Variants in AKT2 observed in about 807,000 individuals in gnomAD.
The protein encoded by AKT2 is AKT serine/threonine kinase 2, also known as RAC-beta serine/threonine-protein kinase.
AKT2 carries 16 observed loss-of-function variants against 58.6 expected under a neutral mutation model. The observed-to-expected ratio is 0.27, with a 90% CI of 0.18 to 0.41. The LOEUF is 0.41. Ranked by LOEUF, AKT2 falls within the 10% of genes least tolerant of loss-of-function variation. The pLI is 1.00. For synonymous variants in AKT2, 253 were observed against 254.0 expected, an observed-to-expected ratio of 1.00 and a Z score of 0.04; for missense variants, 438 against 661.0, an observed-to-expected ratio of 0.66 and a Z score of 3.70.
chr19:40,231,503 C>A lies in AKT2; in HGVS notation c.*2369G>T. The A allele has an allele frequency of 1.3e-5, 3 of 233,324 alleles. No homozygotes were observed. Among genetic ancestry groups the A allele is most frequent in the Non-Finnish European group, 2.5e-5 (3 of 118,052 alleles). The allele number at this position is 233,324 out of a possible 1,614,324, so 14.5% of individuals were successfully genotyped here. A position where few individuals can be genotyped will look rare whatever the true frequency, so the allele number is the denominator to read the frequency against. On this transcript the variant is annotated 3_prime_UTR_variant, in exon 14 of 14. Coordinates refer to ENST00000392038, the MANE Select transcript of AKT2 (RefSeq NM_001626.6). ...TAACTCTGATTTCTGTAAATTGGAT[C>A]TGACTTTTTCTGCTTACATTCACTT...
intron 1 of AKT2, 167 bp downstream of exon 1, chr19:40,285,014 G>T (rs910512413): frequency 1.3e-4 from 48 of 378,520 alleles, no homozygotes; most frequent in Admixed American, 1.4e-4. Context: ...CCCGAGGCTG[G>T]TCCCACCGCC....
At chr19:40,258,375 A>C (rs1020801568) in intron 2 of AKT2, among the ~76,000 whole-genome samples, 2 of 152,064 alleles carry the variant, frequency 1.3e-5, no homozygotes, top group East Asian at 1.9e-4. Context: ...TTTTACCTCA[A>C]CATGGCTATT....
At chr19:40,281,444 A>T (rs946847636) in intron 1 of AKT2, among the ~76,000 whole-genome samples, 1 of 152,096 alleles carries the variant, frequency 6.6e-6, no homozygotes, top group Non-Finnish European at 1.5e-5. Context: ...GTGAGCTGTG[A>T]TCACACCACT....
At chr19:40,285,019 A>C (rs2077489122) in intron 1 of AKT2, 162 bp downstream of exon 1, 4 of 307,894 alleles carry the variant, frequency 1.3e-5, no homozygotes, top group South Asian at 1.7e-4. Flanking sequence ...GGCTGGTCCC[A>C]CCGCCCCCGC....
At chr19:40,276,898 CTGTAGTCCCAGCT>C (rs1292505841) in intron 1 of AKT2, among the ~76,000 whole-genome samples, 1 of 152,142 alleles carries the variant, frequency 6.6e-6, no homozygotes, top group Non-Finnish European at 1.5e-5. Flanking sequence ...TGGTGCATGC[CTGTAGTCCCAGCT>C]ACTCAGAAGG....
At chr19:40,272,959 T>C (rs969531) in intron 1 of AKT2, among the ~76,000 whole-genome samples, 110,606 of 152,038 alleles carry the variant, frequency 0.73, 40,425 homozygotes, top group African/African-American at 0.79. Context: ...CATATACCTA[T>C]CTCTAAGGCT....
Position 40,265,286 on chromosome 19 carries a change from T to C in AKT2, c.-19A>G, listed in dbSNP as rs1385768161. The C allele has an allele frequency of 2.5e-6, 4 of 1,611,880 alleles. No homozygotes were observed. Among genetic ancestry groups the C allele is most frequent in the Non-Finnish European group, 3.4e-6 (4 of 1,179,218 alleles). ...CATTCATGGTGGCAGCGTGGTACGC[T>C]GTCACCTAGCTCGGGACAGCTCAGG... On this transcript the variant is annotated 5_prime_UTR_variant, in exon 2 of 14. Coordinates refer to ENST00000392038, the MANE Select transcript of AKT2 (RefSeq NM_001626.6).
chr19:40,265,178 C>T (rs1321063506), intron 2 of AKT2, 44 bp downstream of exon 2: 1 of 1,601,238 alleles, frequency 6.2e-7, no homozygotes, highest in South Asian at 1.1e-5. Context: ...CCAGGAGGAG[C>T]CAGCGTGGGA....
intron 1 of AKT2, among the ~76,000 whole-genome samples, chr19:40,272,577 T>C (rs1222944566): frequency 2.6e-5 from 4 of 152,218 alleles, no homozygotes; most frequent in Non-Finnish European, 5.9e-5. Flanking sequence ...AATATGCGTA[T>C]TGTTTCACAT....
intron 1 of AKT2, among the ~76,000 whole-genome samples, chr19:40,276,182 T>C (rs1600110408): frequency 6.6e-6 from 1 of 151,516 alleles, no homozygotes; most frequent in South Asian, 2.1e-4. Context: ...GCTCCCATGC[T>C]ATACCCCATC....
chr19:40,280,768 CAT>C (rs1169131138), intron 1 of AKT2: 1 of 152,620 alleles, frequency 6.6e-6, no homozygotes, highest in Non-Finnish European at 1.5e-5. Context: ...TCCCATCCCA[CAT>C]GACTGCCTCA....
chr19:40,249,500 C>A (rs1041174601), intron 4 of AKT2, among the ~76,000 whole-genome samples: 1 of 152,218 alleles, frequency 6.6e-6, no homozygotes, highest in Non-Finnish European at 1.5e-5. Context: ...CTGCGGGGCA[C>A]CCCAGAGAGA....
In AKT2 at chr19:40,241,810, T is replaced by C; in HGVS notation, c.573+128A>G. 1 of 1,398,966 alleles carries C rather than the reference T, an allele frequency of 7.1e-7. No homozygotes were observed. Among genetic ancestry groups the C allele is most frequent in the Middle Eastern group, 1.8e-4 (1 of 5,646 alleles). 86.7% of individuals were successfully genotyped at this position (1,398,966 alleles called of 1,614,324 possible). A position where few individuals can be genotyped will look rare whatever the true frequency, so the allele number is the denominator to read the frequency against. On this transcript the variant is annotated intron_variant, in intron 6 of 13. Coordinates refer to ENST00000392038, the MANE Select transcript of AKT2 (RefSeq NM_001626.6). ...GGCCTCAGGCTCCCCCTTTTCTGAC[T>C]AGGGGGAATTTGTGGGGGAAATAAG... is the stretch of plus-strand genomic sequence containing the variant.
chr19:40,236,702 T>C, intron 9 of AKT2: 2 of 391,990 alleles, frequency 5.1e-6, no homozygotes, highest in Admixed American at 3.8e-5. Flanking sequence ...TCTTCTATTC[T>C]TTTTTTCTAG....
At chr19:40,241,884 C>T in intron 6 of AKT2, 54 bp downstream of exon 6, 8 of 1,612,220 alleles carry the variant, frequency 5.0e-6, no homozygotes, top group Non-Finnish European at 6.8e-6. Flanking sequence ...CAGGGTCAGG[C>T]TCCAGACCGC....
At chr19:40,258,707 C>T (rs1267230463) in intron 2 of AKT2, among the ~76,000 whole-genome samples, 1 of 147,628 alleles carries the variant, frequency 6.8e-6, no homozygotes, top group Non-Finnish European at 1.5e-5. Context: ...AATACTTAAC[C>T]AAGGGGGTGA....
chr19:40,235,774 G>A lies in AKT2; in HGVS notation c.1175+116C>T. On this transcript the variant is annotated intron_variant, in intron 11 of 13. Transcript: ENST00000392038. This position sits in a 1 kb window ranked among gnomAD's most constrained non-coding sequence, Gnocchi z 6.3. ...GTGGACGTTTTCAGGGGCTGTGTGG[G>A]GACGACACACTGCGACCCTACAAGC... The A allele has an allele frequency of 1.8e-6, 2 of 1,104,422 alleles. No homozygotes were observed. Among genetic ancestry groups the A allele is most frequent in the Non-Finnish European group, 2.5e-6 (2 of 785,536 alleles). The allele number at this position is 1,104,422 out of a possible 1,614,324, so 68.4% of individuals were successfully genotyped here.
chr19:40,269,213 C>A, intron 1 of AKT2: 1 of 152,206 alleles, frequency 6.6e-6, no homozygotes, highest in East Asian at 1.9e-4. Context: ...GCACGCCCTG[C>A]GGAGGGGAGT....
At chr19:40,260,422 G>C (rs952726363) in intron 2 of AKT2, among the ~76,000 whole-genome samples, 8 of 151,934 alleles carry the variant, frequency 5.3e-5, no homozygotes, top group African/African-American at 1.9e-4. Flanking sequence ...CCAAGGTCAA[G>C]AGATAAAGAC....
Sources: gnomAD v4.1 joint callset for allele counts (sites outside exome capture counted in the v4.1 genomes callset) on GRCh38, gnomAD v4.1.1 for gene constraint, Gnocchi (gnomAD v3.1) non-coding constraint, MANE v1.5 for transcripts, NCBI Gene and HGNC (gene_info 2026-07-23, HGNC 2026-07-21) for gene names.